Variants in SNX7 observed in about 807,000 individuals in gnomAD.
SNX7 encodes sorting nexin 7, also known as sorting nexin-7.
A neutral mutation model predicts 48.4 loss-of-function variants in SNX7; 35 were observed. That is an observed-to-expected ratio of 0.72 (90% CI 0.55 to 0.96). The LOEUF is 0.96. SNX7 is among the 40% of genes least tolerant of loss of function. SNX7 has a pLI of 0.00. For synonymous variants in SNX7, 190 were observed against 190.2 expected (o/e 1.00, Z 0.01); for missense variants, 553 against 548.9 (o/e 1.01, Z -0.07).
chr1:98,681,342 A>G (rs1474174835), intron 1 of SNX7, among the ~76,000 whole-genome samples: 5 of 152,214 alleles, frequency 3.3e-5, no homozygotes, highest in African/African-American at 7.2e-5. Context: ...GGACACAACC[A>G]AACCTTGTCA....
In SNX7 at chr1:98,671,232, A is replaced by G. The variant is rs550981782; in HGVS notation, c.180+9321A>G. Among the ~76,000 whole-genome samples the G allele has an allele frequency of 4.6e-5, 7 of 152,320 alleles. No individual in the cohort carries two copies. The East Asian group carries it at 1.2e-3, about 25-fold the overall frequency. On this transcript the variant is annotated intron_variant, in intron 1 of 8. Coordinates refer to ENST00000306121, the MANE Select transcript of SNX7 (RefSeq NM_015976.5). ...CATTTTCATTGGAGTCACCTTAAGT[A>G]TATACAGTTTTCTCAATAAACAGGT...
In SNX7 at chr1:98,701,959, A is replaced by G. The variant is rs1235771255; in HGVS notation, c.1125+56A>G. On this transcript the variant is annotated intron_variant, in intron 7 of 8. Transcript: ENST00000306121. ...ATAGAATTCATTGTCTAAAATTTTT[A>G]TTAGCAATGTCCTTACATGATTGTC... 5 of 1,201,748 alleles carry G rather than the reference A, an allele frequency of 4.2e-6. No homozygotes were observed. The African/African-American group carries it at 6.1e-5, about 15-fold the overall frequency. 74.4% of individuals were successfully genotyped at this position (1,201,748 alleles called of 1,614,324 possible).
At chr1:98,681,805 G>A (rs1381673479) in intron 1 of SNX7, among the ~76,000 whole-genome samples, 5 of 152,164 alleles carry the variant, frequency 3.3e-5, no homozygotes, top group African/African-American at 4.8e-5. Context: ...GTTGTATTGC[G>A]TCAGTGCTAA....
intron 2 of SNX7, among the ~76,000 whole-genome samples, chr1:98,686,027 T>C (rs1650775780): frequency 6.6e-6 from 1 of 152,188 alleles, no homozygotes; most frequent in African/African-American, 2.4e-5. Flanking sequence ...CAGGTAGAGC[T>C]GCTTCTGTTT....
intron 1 of SNX7, among the ~76,000 whole-genome samples, chr1:98,682,591 A>T (rs1650562212): frequency 6.6e-6 from 1 of 152,210 alleles, no homozygotes; most frequent in Admixed American, 6.5e-5. Flanking sequence ...TTTTGAAGAC[A>T]TTAGTTTATT....
At chr1:98,680,087 C>G (rs1306307194) in intron 1 of SNX7, among the ~76,000 whole-genome samples, 1 of 152,242 alleles carries the variant, frequency 6.6e-6, no homozygotes. Flanking sequence ...ACAGGCATTT[C>G]CATACATCCT....
At chr1:98,716,268 A>G (rs1354362527) in intron 7 of SNX7, among the ~76,000 whole-genome samples, 1 of 152,050 alleles carries the variant, frequency 6.6e-6, no homozygotes, top group African/African-American at 2.4e-5. Context: ...TTTGCCTCCT[A>G]TCCCCATATG....
Position 98,701,824 on chromosome 1 carries a change from T to C in SNX7, c.1046T>C (p.Met349Thr). The C allele has an allele frequency of 6.2e-7, 1 of 1,608,008 alleles. No homozygotes were observed. The highest frequency in any genetic ancestry group is 8.5e-7 in the Non-Finnish European group (1 of 1,176,900). ...VLYSEMLMGV[M>T]KRRDQIQAEL... ...GTGTGTTTTAATGTAAAGGGTGTTA[T>C]GAAAAGAAGAGACCAAATACAAGCA... The change falls in exon 7 of 9, where the codon ATG (methionine) becomes ACG (threonine). Residue 349 changes from methionine to threonine, a missense_variant. Met to Thr is a moderately conservative substitution (Grantham distance 81, BLOSUM62 -1). Coordinates refer to ENST00000306121, the MANE Select transcript of SNX7 (RefSeq NM_015976.5).
intron 8 of SNX7, among the ~76,000 whole-genome samples, chr1:98,747,394 G>A (rs981491605): frequency 1.3e-5 from 2 of 152,132 alleles, no homozygotes; most frequent in African/African-American, 4.8e-5. Flanking sequence ...ATTAGACATT[G>A]CCAAGACAAC....
At chr1:98,704,450 T>G (rs74110443) in intron 7 of SNX7, among the ~76,000 whole-genome samples, 8,433 of 152,172 alleles carry the variant, frequency 0.055, 739 homozygotes, top group African/African-American at 0.18. Flanking sequence ...AAATAATTAA[T>G]TTGTTTATAG....
At chr1:98,700,572 T>G (rs1311920683) in intron 6 of SNX7, among the ~76,000 whole-genome samples, 1 of 151,938 alleles carries the variant, frequency 6.6e-6, no homozygotes, top group Admixed American at 6.6e-5. Flanking sequence ...AGAGACATGG[T>G]CTCACTCTGT....
intron 1 of SNX7, among the ~76,000 whole-genome samples, chr1:98,677,590 G>A (rs1412889936): frequency 2.0e-5 from 3 of 152,106 alleles, no homozygotes; most frequent in East Asian, 1.9e-4. Context: ...TAGAAATAGA[G>A]GTATATAGGC....
chr1:98,706,818 T>C (rs898230411), intron 7 of SNX7, among the ~76,000 whole-genome samples: 11 of 152,098 alleles, frequency 7.2e-5, no homozygotes, highest in African/African-American at 2.7e-4. Context: ...TTCTGAGGTT[T>C]TAGACAGAGC....
chr1:98,738,113 T>C, intron 7 of SNX7, 124 bp from the exon 8 acceptor site: 1 of 953,974 alleles, frequency 1.0e-6, no homozygotes, highest in Admixed American at 2.8e-5. Context: ...TAAATACTGG[T>C]GATTAAAAAC....
chr1:98,713,366 A>G (rs1174102052), intron 7 of SNX7, among the ~76,000 whole-genome samples: 1 of 152,136 alleles, frequency 6.6e-6, no homozygotes, highest in Non-Finnish European at 1.5e-5. Context: ...GCTCTGGATT[A>G]GGCTTTGGCT....
At chr1:98,686,639 A>C (rs1456904155) in intron 2 of SNX7, among the ~76,000 whole-genome samples, 4 of 152,166 alleles carry the variant, frequency 2.6e-5, no homozygotes, top group Admixed American at 1.3e-4. Flanking sequence ...TGGTAGAGCA[A>C]GACAACATGG....
chr1:98,709,812 A>G (rs1441156890), intron 7 of SNX7, among the ~76,000 whole-genome samples: 1 of 152,084 alleles, frequency 6.6e-6, no homozygotes, highest in Non-Finnish European at 1.5e-5. Flanking sequence ...TTTTGTGTCA[A>G]ACTCACCCTT....
rs1481199945 is a variant in SNX7 at position 98,691,604 on chromosome 1, A to G, written c.544A>G (p.Arg182Gly). 6.2e-7 allele frequency: 1 copy of G among 1,612,004 alleles called. No individual in the cohort carries two copies. The highest frequency in any genetic ancestry group is 2.2e-5 in the East Asian group (1 of 44,746). The change falls in exon 4 of 9, where the codon AGG becomes GGG. Residue 182 changes from arginine (R) to glycine (G), a missense_variant. Physicochemically the swap from Arg to Gly is moderately radical, Grantham distance 125. Transcript: ENST00000306121. ...TAACGATGACTTCATTGAGACACGCAGGAAGGCTTTACATAAATTTTTGAA... is the reference window on the plus strand; with the variant it reads ...TAACGATGACTTCATTGAGACACGCGGGAAGGCTTTACATAAATTTTTGAA... ...RFNDDFIETR[R>G]KALHKFLNRI...
At chr1:98,701,156 C>A (rs1273378764) in intron 6 of SNX7, among the ~76,000 whole-genome samples, 2 of 152,142 alleles carry the variant, frequency 1.3e-5, no homozygotes, top group Non-Finnish European at 2.9e-5. Flanking sequence ...ATTCTGCACT[C>A]AAATTTCTTC....
Sources: gnomAD v4.1 joint callset for allele counts (sites outside exome capture counted in the v4.1 genomes callset) on GRCh38, gnomAD v4.1.1 for gene constraint, MANE v1.5 for transcripts, NCBI Gene and HGNC (gene_info 2026-07-23, HGNC 2026-07-21) for gene names.